The following TOP6BL variants were observed in gnomAD, a reference collection of about 807,000 sequenced individuals.
TOP6BL encodes the protein TOP6B like initiator of meiotic double strand breaks, also known as type 2 DNA topoisomerase 6 subunit B-like.
At chr11:66,795,082 C>T in the TOP6BL span, among the ~76,000 whole-genome samples, 5 of 150,208 alleles carry the variant, frequency 3.3e-5, 1 homozygote, top group South Asian at 4.2e-4. Flanking sequence ...TGCAGTGAGC[C>T]GAGATCACAC....
chr11:66,828,718 C>T, the TOP6BL span: 4 of 185,736 alleles, frequency 2.2e-5, no homozygotes, highest in Admixed American at 2.2e-4. Context: ...ATTTTTAGTT[C>T]CAGATAAGTC....
the TOP6BL span, chr11:66,796,258 G>T: frequency 6.6e-7 from 1 of 1,523,996 alleles, no homozygotes; most frequent in Non-Finnish European, 9.1e-7. Context: ...TGTGTGGTAG[G>T]TGTTTTTGTT....
At chr11:66,829,763 C>G in the TOP6BL span, among the ~76,000 whole-genome samples, 1,641 of 152,176 alleles carry the variant, frequency 0.011, 37 homozygotes, top group African/African-American at 0.037. Context: ...GTGGCACATG[C>G]CTGTAGTCCC....
chr11:66,793,593 C>T, the TOP6BL span, among the ~76,000 whole-genome samples: 8 of 151,340 alleles, frequency 5.3e-5, no homozygotes, highest in African/African-American at 9.7e-5. Flanking sequence ...CACAGGTGCC[C>T]GTCACCACTC....
At chr11:66,760,098 A>G in the TOP6BL span, among the ~76,000 whole-genome samples, 1 of 152,210 alleles carries the variant, frequency 6.6e-6, no homozygotes, top group Non-Finnish European at 1.5e-5. Context: ...AAACTTTCCC[A>G]GACTAAATCT....
chr11:66,792,062 G>A, the TOP6BL span, among the ~76,000 whole-genome samples: 2 of 152,010 alleles, frequency 1.3e-5, no homozygotes, highest in South Asian at 2.1e-4. Context: ...CGCCTGCCTC[G>A]GCTTCCTAAA....
chr11:66,769,765 G>A, the TOP6BL span, among the ~76,000 whole-genome samples: 2 of 151,580 alleles, frequency 1.3e-5, no homozygotes, highest in African/African-American at 2.4e-5. Context: ...TTTTGAGACA[G>A]AGTCTCACTC....
At chr11:66,831,788 G>A in the TOP6BL span, among the ~76,000 whole-genome samples, 1 of 152,020 alleles carries the variant, frequency 6.6e-6, no homozygotes, top group Non-Finnish European at 1.5e-5. Context: ...GAGGTCAAGA[G>A]TTCAAGGCCA....
At chr11:66,782,273 GC>G in the TOP6BL span, among the ~76,000 whole-genome samples, 1 of 152,284 alleles carries the variant, frequency 6.6e-6, no homozygotes, top group Admixed American at 6.5e-5. Context: ...TTCTAGCTAG[GC>G]CTGAAGGCCA....
chr11:66,769,172 T>C, the TOP6BL span, among the ~76,000 whole-genome samples: 1 of 152,184 alleles, frequency 6.6e-6, no homozygotes, highest in Non-Finnish European at 1.5e-5. Context: ...TTGAGTAGAC[T>C]TTATGGCTAG....
At chr11:66,806,859 G>T in the TOP6BL span, among the ~76,000 whole-genome samples, 1 of 152,208 alleles carries the variant, frequency 6.6e-6, no homozygotes, top group Non-Finnish European at 1.5e-5. Flanking sequence ...CTTTTAGGGA[G>T]GTGGAGGGAG....
At chr11:66,765,487 C>A in the TOP6BL span, among the ~76,000 whole-genome samples, 2 of 152,146 alleles carry the variant, frequency 1.3e-5, no homozygotes, top group Non-Finnish European at 2.9e-5. Flanking sequence ...ATATTAACCT[C>A]CACTCAATAA....
chr11:66,806,760 TAAA>T, the TOP6BL span, among the ~76,000 whole-genome samples: 2 of 149,958 alleles, frequency 1.3e-5, no homozygotes, highest in Non-Finnish European at 3.0e-5. Context: ...TGTCTCAAAA[TAAA>T]AAAAAAGAGA....
At chr11:66,796,075 C>T in the TOP6BL span, 10 of 496,518 alleles carry the variant, frequency 2.0e-5, no homozygotes. Context: ...TTCTGAAGTT[C>T]CGTGTAATAG....
chr11:66,793,151 G>T, the TOP6BL span, among the ~76,000 whole-genome samples: 5 of 151,384 alleles, frequency 3.3e-5, no homozygotes, highest in South Asian at 6.2e-4. Context: ...GCAGTGGCAC[G>T]ATCTCAGCTC....
chr11:66,821,057 A>G, the TOP6BL span, among the ~76,000 whole-genome samples: 1 of 152,180 alleles, frequency 6.6e-6, no homozygotes, highest in Non-Finnish European at 1.5e-5. Context: ...TAATCCTTGG[A>G]TAATGCAAGC....
chr11:66,806,966 TTTC>T, the TOP6BL span, among the ~76,000 whole-genome samples: 27 of 152,312 alleles, frequency 1.8e-4, no homozygotes, highest in Admixed American at 5.9e-4. Context: ...AATAAATAAG[TTTC>T]TTCTTCTTCC....
At chr11:66,828,439 A>G in the TOP6BL span, 4 of 1,143,108 alleles carry the variant, frequency 3.5e-6, no homozygotes, top group Non-Finnish European at 5.1e-6. Context: ...GAGGGTGGGT[A>G]GGTACAAGTG....
the TOP6BL span, among the ~76,000 whole-genome samples, chr11:66,746,430 T>C: frequency 6.6e-6 from 1 of 151,262 alleles, no homozygotes. Flanking sequence ...CTGAAAAAAA[T>C]ACAAAAATTA....
Sources: allele counts gnomAD v4.1 joint callset (sites outside exome capture counted in the v4.1 genomes callset), GRCh38; gene constraint gnomAD v4.1.1; transcripts MANE v1.5; gene names NCBI Gene and HGNC (gene_info 2026-07-23, HGNC 2026-07-21).